The following SMARCA2 variants were observed in gnomAD, a reference collection of about 807,000 sequenced individuals.
SMARCA2 encodes the protein SWI/SNF related BAF chromatin remodeling complex subunit ATPase 2.
Under a neutral mutation model 199.8 loss-of-function variants are expected in SMARCA2, and 61 were observed. The observed-to-expected ratio is 0.31, with a 90% CI of 0.25 to 0.38. The LOEUF is 0.38. Ranked by LOEUF, SMARCA2 falls within the 10% of genes least tolerant of loss-of-function variation. The pLI, the probability that SMARCA2 is intolerant of heterozygous loss-of-function variation, is 1.00. For missense variants in SMARCA2, 1,344 were observed against 2,012.2 expected, an observed-to-expected ratio of 0.67 and a Z score of 6.35; for synonymous variants, 935 against 732.0, an observed-to-expected ratio of 1.28 and a Z score of -4.48.
Position 2,047,277 on chromosome 9 carries a change from TGCCCGCGCCCGGCGGCCGGCCCTC to T in SMARCA2, c.850_873del (p.Gly284_Pro291del), listed in dbSNP as rs1297196554. 16 of 999,826 alleles carry T rather than the reference TGCCCGCGCCCGGCGGCCGGCCCTC, an allele frequency of 1.6e-5. No individual in the cohort carries two copies. The highest frequency in any genetic ancestry group is 1.8e-5 in the Non-Finnish European group (15 of 840,618). 61.9% of individuals were successfully genotyped at this position (999,826 alleles called of 1,614,324 possible). A position where few individuals can be genotyped will look rare whatever the true frequency, so the allele number is the denominator to read the frequency against. On this transcript the variant is annotated inframe_deletion, in exon 5 of 34. Transcript: ENST00000349721. ...CCGAGCACCCCGCAGAAGCTGCCGG[TGCCCGCGCCCGGCGGCCGGCCCTC>T]GCCCGCGCCCCCCGCAGCCGCGCAG...
intron 27 of SMARCA2, among the ~76,000 whole-genome samples, chr9:2,135,545 A>C (rs1824156206): frequency 1.3e-5 from 2 of 152,180 alleles, no homozygotes; most frequent in Admixed American, 1.3e-4. Flanking sequence ...GATCCCTTCC[A>C]TCTATCTAAC....
At chr9:2,087,204 G>C in intron 18 of SMARCA2, 133 bp downstream of exon 18, 2 of 1,077,778 alleles carry the variant, frequency 1.9e-6, no homozygotes, top group South Asian at 3.1e-5. Context: ...GAAACCCATC[G>C]GTGGGTGGAC....
At chr9:2,089,901 T>C (rs534355059) in intron 19 of SMARCA2, among the ~76,000 whole-genome samples, 1 of 152,302 alleles carries the variant, frequency 6.6e-6, no homozygotes, top group African/African-American at 2.4e-5. Flanking sequence ...ATAATTTCTT[T>C]TTTTTTCTTT....
chr9:2,182,254 T>C lies in SMARCA2; in HGVS notation c.4461+12T>C. The C allele has an allele frequency of 6.5e-7, 1 of 1,548,742 alleles. No homozygotes were observed. Among genetic ancestry groups the C allele is most frequent in the Non-Finnish European group, 8.9e-7 (1 of 1,125,702 alleles). Reference sequence around the variant, plus strand: ...TGGAGGGATCCCAGGTCTGTCTTGTTAAGTTGTCTAAAAGTTCTTAACTGT... The same window carrying C: ...TGGAGGGATCCCAGGTCTGTCTTGTCAAGTTGTCTAAAAGTTCTTAACTGT... On this transcript the variant is annotated intron_variant, in intron 31 of 33. Coordinates refer to ENST00000349721, the MANE Select transcript of SMARCA2 (RefSeq NM_003070.5).
chr9:2,026,605 C>T (rs1488967219), intron 1 of SMARCA2, among the ~76,000 whole-genome samples: 1 of 152,184 alleles, frequency 6.6e-6, no homozygotes, highest in African/African-American at 2.4e-5. Flanking sequence ...AGCCTAACTT[C>T]AGTGTTTGTA....
At chr9:2,088,640 GTT>G (rs745858512) in intron 19 of SMARCA2, 27 bp downstream of exon 19, 1 of 1,396,138 alleles carries the variant, frequency 7.2e-7, no homozygotes, top group Admixed American at 2.4e-5. Context: ...AAAGTTGTGG[GTT>G]TTTTTTTTCC....
chr9:2,089,377 A>G (rs939242165), intron 19 of SMARCA2, among the ~76,000 whole-genome samples: 1 of 152,116 alleles, frequency 6.6e-6, no homozygotes, highest in African/African-American at 2.4e-5. Context: ...TATTTGTTGC[A>G]TGAGGTATTT....
chr9:2,117,287 A>T (rs937648335), intron 25 of SMARCA2, among the ~76,000 whole-genome samples: 1 of 152,176 alleles, frequency 6.6e-6, no homozygotes, highest in Non-Finnish European at 1.5e-5. Context: ...GCACTTTTGT[A>T]TTATGCCTCC....
chr9:2,181,431 A>AT (rs1827015012), intron 29 of SMARCA2, 140 bp from the exon 30 acceptor site: 1 of 610,140 alleles, frequency 1.6e-6, no homozygotes, highest in South Asian at 1.8e-5. Context: ...GAGTTGTGGG[A>AT]TTTTTCCTGA....
At chr9:2,151,655 C>G (rs1342107728) in intron 27 of SMARCA2, among the ~76,000 whole-genome samples, 5 of 152,048 alleles carry the variant, frequency 3.3e-5, no homozygotes, top group Non-Finnish European at 7.4e-5. Context: ...ATCTCTTGAA[C>G]CCAGGAGGTG....
At chr9:2,159,470 C>G (rs1187696692) in intron 27 of SMARCA2, 2 of 216,094 alleles carry the variant, frequency 9.3e-6, no homozygotes, top group African/African-American at 4.6e-5. Flanking sequence ...AAATAAGGTA[C>G]AAAATACCAA....
At chr9:2,033,169 A>C in intron 3 of SMARCA2, 88 bp downstream of exon 3, 1 of 1,474,584 alleles carries the variant, frequency 6.8e-7, no homozygotes, top group Non-Finnish European at 9.3e-7. Flanking sequence ...AATTCCAAAG[A>C]ATGTGTCTAA....
At chr9:2,150,145 C>T (rs746794573) in intron 27 of SMARCA2, among the ~76,000 whole-genome samples, 3 of 151,632 alleles carry the variant, frequency 2.0e-5, no homozygotes, top group African/African-American at 4.8e-5. Flanking sequence ...AGCTAGTCAT[C>T]TCCTTCACAC....
chr9:2,027,302 G>A (rs1178079873), intron 1 of SMARCA2, among the ~76,000 whole-genome samples: 2 of 151,878 alleles, frequency 1.3e-5, no homozygotes, highest in African/African-American at 2.4e-5. Context: ...AATTAGCTTG[G>A]CACGGTGGCG....
chr9:2,081,720 A>C, intron 14 of SMARCA2, 112 bp from the exon 15 acceptor site: 1 of 862,250 alleles, frequency 1.2e-6, no homozygotes, highest in Non-Finnish European at 1.8e-6. Context: ...TACTGTGGGA[A>C]ACCCAACATA....
At chr9:2,053,385 T>C (rs1168095864) in intron 5 of SMARCA2, among the ~76,000 whole-genome samples, 1 of 152,232 alleles carries the variant, frequency 6.6e-6, no homozygotes, top group Non-Finnish European at 1.5e-5. Context: ...AGGAAGGTTC[T>C]CGGAAAGTGT....
At chr9:2,151,233 T>C (rs2130719888) in intron 27 of SMARCA2, among the ~76,000 whole-genome samples, 2 of 151,764 alleles carry the variant, frequency 1.3e-5, no homozygotes, top group East Asian at 3.9e-4. Context: ...AGTATGTAGC[T>C]GTGTTGCTGC....
chr9:2,121,510 T>A (rs188122863), intron 26 of SMARCA2, among the ~76,000 whole-genome samples: 13 of 152,314 alleles, frequency 8.5e-5, no homozygotes, highest in Admixed American at 8.5e-4. Flanking sequence ...AAAATTTGAA[T>A]CTCTGCCAGC....
intron 27 of SMARCA2, chr9:2,158,882 A>T: frequency 8.5e-6 from 13 of 1,536,976 alleles, no homozygotes; most frequent in Non-Finnish European, 1.2e-5. Context: ...AACATAAAGC[A>T]CTGCATATGG....
Sources: allele counts gnomAD v4.1 joint callset (sites outside exome capture counted in the v4.1 genomes callset), GRCh38; gene constraint gnomAD v4.1.1; transcripts MANE v1.5; gene names NCBI Gene and HGNC (gene_info 2026-07-23, HGNC 2026-07-21).